VWC2L: variants seen among roughly 807,000 people sequenced by gnomAD.
VWC2L encodes the protein von Willebrand factor C domain containing 2 like.
In VWC2L, 10 loss-of-function variants were observed where a neutral mutation model predicts 21.6. The observed-to-expected ratio is 0.46, with a 90% CI of 0.29 to 0.78. VWC2L has a LOEUF of 0.78. Among genes scored for constraint, VWC2L ranks in the 30% least tolerant of loss-of-function variants. VWC2L has a pLI of 0.10. For missense variants in VWC2L, 209 were observed against 277.1 expected (o/e 0.75, Z 1.74); for synonymous variants, 96 against 94.3 (o/e 1.02, Z -0.10).
At chr2:214,443,881 G>A (rs1559292527) in intron 3 of VWC2L, among the ~76,000 whole-genome samples, 1 of 151,964 alleles carries the variant, frequency 6.6e-6, no homozygotes, top group Non-Finnish European at 1.5e-5. Context: ...GAAAGAAGGA[G>A]GTAAAAAAGG....
At chr2:214,482,675 T>G (rs1688624191) in intron 3 of VWC2L, among the ~76,000 whole-genome samples, 1 of 150,580 alleles carries the variant, frequency 6.6e-6, no homozygotes, top group South Asian at 2.1e-4. Flanking sequence ...TTTTTTTTCT[T>G]TAATGGCCAG....
intron 2 of VWC2L, among the ~76,000 whole-genome samples, chr2:214,417,785 A>T (rs1349739821): frequency 3.3e-5 from 5 of 152,200 alleles, no homozygotes; most frequent in Admixed American, 3.3e-4. Context: ...TACATAGATG[A>T]CCTAGTTAAA....
At chr2:214,531,212 G>A (rs1201726848) in intron 3 of VWC2L, among the ~76,000 whole-genome samples, 1 of 152,160 alleles carries the variant, frequency 6.6e-6, no homozygotes. Flanking sequence ...AAAAATGCAA[G>A]TAAGAGTCCC....
chr2:214,414,463 C>A lies in VWC2L; in HGVS notation c.270C>A (p.Cys90Ter). 1 of 1,613,412 alleles carries A rather than the reference C, an allele frequency of 6.2e-7. No individual in the cohort carries two copies. The highest frequency in any genetic ancestry group is 8.5e-7 in the Non-Finnish European group (1 of 1,179,578). ...GACCTGTTTGCGACCAACCAGAATG[C>A]CCTAAAATTCACCCAAAGTGTACTA... ...LDGPVCDQPE[C>*]PKIHPKCTKV... Residue 90 changes from cysteine (C) to a stop codon, truncating the protein, a stop_gained, in exon 2 of 4, where the codon TGC becomes TGA. Coordinates refer to ENST00000312504, the MANE Select transcript of VWC2L (RefSeq NM_001080500.4). LOFTEE classifies it high-confidence loss of function.
intron 3 of VWC2L, among the ~76,000 whole-genome samples, chr2:214,446,155 G>C (rs990602054): frequency 1.3e-5 from 2 of 152,128 alleles, no homozygotes; most frequent in Non-Finnish European, 2.9e-5. Flanking sequence ...AAGCATAACA[G>C]ACATGAAACA....
At chr2:214,447,375 T>G (rs1172666300) in intron 3 of VWC2L, among the ~76,000 whole-genome samples, 2 of 152,208 alleles carry the variant, frequency 1.3e-5, no homozygotes, top group Admixed American at 1.3e-4. Flanking sequence ...AGAGATCAAG[T>G]GGTAACTGCT....
intron 3 of VWC2L, among the ~76,000 whole-genome samples, chr2:214,441,524 G>A (rs77098734): frequency 0.033 from 5,083 of 152,122 alleles, 282 homozygotes; most frequent in African/African-American, 0.12. Flanking sequence ...AAAGTATTGA[G>A]AAGAGTTAAG....
chr2:214,441,143 G>C (rs1702758499), intron 3 of VWC2L, among the ~76,000 whole-genome samples: 1 of 152,088 alleles, frequency 6.6e-6, no homozygotes, highest in African/African-American at 2.4e-5. Flanking sequence ...ACTAGGCAAA[G>C]GGGCAAATAT....
intron 3 of VWC2L, among the ~76,000 whole-genome samples, chr2:214,450,531 A>G (rs1440543971): frequency 6.6e-6 from 1 of 152,234 alleles, no homozygotes; most frequent in East Asian, 1.9e-4. Flanking sequence ...CAGTTTAGTT[A>G]CATATATTTT....
chr2:214,570,006 T>C (rs1249670115), intron 3 of VWC2L, among the ~76,000 whole-genome samples: 1 of 152,084 alleles, frequency 6.6e-6, no homozygotes, highest in Non-Finnish European at 1.5e-5. Flanking sequence ...CAGCTCTTAA[T>C]ACCACAAATA....
At chr2:214,490,995 A>G (rs1285762343) in intron 3 of VWC2L, among the ~76,000 whole-genome samples, 1 of 152,172 alleles carries the variant, frequency 6.6e-6, no homozygotes, top group Admixed American at 6.6e-5. Flanking sequence ...GTACATTCAT[A>G]GATACAGAAA....
At position 214,514,806 on chromosome 2, in the gene VWC2L, C is replaced by A. The variant is rs140648062; in HGVS notation, c.521-60866C>A. ...TGTGTTATCCCAAAATTGGCATAATCACAGTTTCCACCTCGTTTATGACCA... is the reference window on the plus strand; with the variant it reads ...TGTGTTATCCCAAAATTGGCATAATAACAGTTTCCACCTCGTTTATGACCA... On this transcript the variant is annotated intron_variant, in intron 3 of 3. Coordinates refer to ENST00000312504, the MANE Select transcript of VWC2L (RefSeq NM_001080500.4). 3.2e-4 allele frequency among the ~76,000 whole-genome samples: 49 copies of A among 152,292 alleles called. 1 individual carries two copies. The East Asian group carries it at 8.3e-3, about 26-fold the overall frequency.
chr2:214,519,125 G>A (rs1250479715), intron 3 of VWC2L, among the ~76,000 whole-genome samples: 2 of 152,164 alleles, frequency 1.3e-5, no homozygotes, highest in Non-Finnish European at 2.9e-5. Context: ...CATAATCAGT[G>A]CGATTGAGGA....
intron 3 of VWC2L, among the ~76,000 whole-genome samples, chr2:214,569,649 ACAT>A (rs1320639512): frequency 6.6e-6 from 1 of 152,082 alleles, no homozygotes; most frequent in African/African-American, 2.4e-5. Flanking sequence ...CACTTCACTG[ACAT>A]CATCATGTTA....
rs144993694 is a variant in VWC2L, at chr2:214,474,416, T to C, written c.520+37658T>C. Among the ~76,000 whole-genome samples the C allele has an allele frequency of 4.9e-4, 74 of 152,304 alleles. 1 individual carries two copies. The East Asian group carries it at 0.013, about 27-fold the overall frequency. On this transcript the variant is annotated intron_variant, in intron 3 of 3. Transcript: ENST00000312504. ...TGAAGTCAATGAGACTTTCTCTGCC[T>C]GCCTCCCAGGTCTGTTGTGAGAGTT...
intron 3 of VWC2L, among the ~76,000 whole-genome samples, chr2:214,567,547 TACAC>T (rs71409879): frequency 0.032 from 3,860 of 119,794 alleles, 129 homozygotes; most frequent in African/African-American, 0.075. Flanking sequence ...TTCATCCACA[TACAC>T]ACACACACAC....
At chr2:214,444,488 G>A (rs1177462962) in intron 3 of VWC2L, among the ~76,000 whole-genome samples, 1 of 151,916 alleles carries the variant, frequency 6.6e-6, no homozygotes, top group Non-Finnish European at 1.5e-5. Flanking sequence ...AATTTATTAG[G>A]TTATCTAACA....
chr2:214,491,271 G>A lies in VWC2L; in HGVS notation c.520+54513G>A, dbSNP rs116716781. Among the ~76,000 whole-genome samples the A allele has an allele frequency of 9.2e-4, 140 of 152,288 alleles. 1 individual carries two copies. Among genetic ancestry groups the A allele is most frequent in the Non-Finnish European group, 9.0e-4 (61 of 68,010 alleles). On this transcript the variant is annotated intron_variant, in intron 3 of 3. Coordinates refer to ENST00000312504, the MANE Select transcript of VWC2L (RefSeq NM_001080500.4). The stretch of plus-strand genomic sequence containing the variant: ...TAATTTTCAATGGGAGAGTCTTGAT[G>A]TTTTCTGTGTAAAAGGAGACACAAC...
intron 2 of VWC2L, among the ~76,000 whole-genome samples, chr2:214,430,846 T>C (rs895027813): frequency 6.6e-6 from 1 of 152,038 alleles, no homozygotes; most frequent in African/African-American, 2.4e-5. Flanking sequence ...GTGCATCTGC[T>C]TTTTTTTATT....
Sources: allele counts gnomAD v4.1 joint callset (sites outside exome capture counted in the v4.1 genomes callset), GRCh38; gene constraint gnomAD v4.1.1; transcripts MANE v1.5; gene names NCBI Gene and HGNC (gene_info 2026-07-23, HGNC 2026-07-21).